The following USP37 variants were observed in gnomAD, a reference collection of about 807,000 sequenced individuals.
USP37 encodes the protein ubiquitin specific peptidase 37, also known as ubiquitin carboxyl-terminal hydrolase 37.
Under a neutral mutation model 124.0 loss-of-function variants are expected in USP37, and 27 were observed. That is an observed-to-expected ratio of 0.22 (90% confidence interval 0.16 to 0.30). The LOEUF is 0.30. Ranked by LOEUF, USP37 falls within the 10% of genes least tolerant of loss-of-function variation. USP37 has a pLI of 1.00. For missense variants in USP37, 889 were observed against 1,140.4 expected, an observed-to-expected ratio of 0.78 and a Z score of 3.17; for synonymous variants, 365 against 388.0, an observed-to-expected ratio of 0.94 and a Z score of 0.70.
intron 16 of USP37, among the ~76,000 whole-genome samples, chr2:218,484,920 T>C (rs376634970): frequency 1.7e-3 from 264 of 152,346 alleles, no homozygotes; most frequent in Middle Eastern, 0.014. Context: ...TTCAGTTTTA[T>C]GTTTATACAG....
intron 25 of USP37, 67 bp downstream of exon 25, chr2:218,455,513 A>G (rs1470942728): frequency 4.9e-4 from 48 of 97,482 alleles, no homozygotes; most frequent in Middle Eastern, 4.0e-3. Flanking sequence ...CTCAAAGGAA[A>G]AAAAAAAAAA....
At chr2:218,474,418 G>A (rs1690852574) in intron 20 of USP37, among the ~76,000 whole-genome samples, 3 of 152,156 alleles carry the variant, frequency 2.0e-5, no homozygotes, top group Non-Finnish European at 4.4e-5. Flanking sequence ...CTGGAGTGCA[G>A]TGGTGCAATC....
At chr2:218,459,645 G>A (rs1574833515) in intron 23 of USP37, 145 bp downstream of exon 23, 4 of 575,406 alleles carry the variant, frequency 7.0e-6, no homozygotes, top group East Asian at 3.0e-5. Flanking sequence ...AACAGCAAAT[G>A]ACAAGAGAAA....
At position 218,463,854 on chromosome 2, in the gene USP37, AT is replaced by A. The variant is rs965382526; in HGVS notation, c.2467-489del. On this transcript the variant is annotated intron_variant, in intron 21 of 25. Coordinates refer to ENST00000258399, the MANE Select transcript of USP37 (RefSeq NM_020935.3). ...CCGGCCCACTCCAGTATTTTTTAAG[AT>A]TTTTTTTTTTTTTTTTTTTGAGAGG... 6.8e-3 allele frequency among the ~76,000 whole-genome samples: 330 copies of A among 48,876 alleles called. 2 individuals carry two copies. The highest frequency in any genetic ancestry group is 0.011 in the African/African-American group (189 of 16,458). 32.1% of individuals were successfully genotyped at this position (48,876 alleles called of 152,430 possible). A position where few individuals can be genotyped will look rare whatever the true frequency, so the allele number is the denominator to read the frequency against.
intron 11 of USP37, among the ~76,000 whole-genome samples, chr2:218,506,887 C>T (rs1487238623): frequency 6.6e-6 from 1 of 151,798 alleles, no homozygotes; most frequent in Non-Finnish European, 1.5e-5. Flanking sequence ...ACCTCTGCCT[C>T]TTGGGTTCAA....
chr2:218,514,569 T>C (rs1690171315), intron 10 of USP37: 1 of 152,216 alleles, frequency 6.6e-6, no homozygotes, highest in Non-Finnish European at 1.5e-5. Context: ...ATTACTGGTG[T>C]TGGTAATCTT....
intron 8 of USP37, among the ~76,000 whole-genome samples, chr2:218,545,814 C>T (rs1048806147): frequency 2.6e-5 from 4 of 152,304 alleles, no homozygotes; most frequent in South Asian, 4.1e-4. Context: ...AACACATAGG[C>T]TCACATCCTT....
chr2:218,474,716 G>C lies in USP37; in HGVS notation c.2213C>G (p.Thr738Ser). 6.2e-7 allele frequency: 1 copy of C among 1,614,110 alleles called. No homozygotes were observed. The highest frequency in any genetic ancestry group is 8.5e-7 in the Non-Finnish European group (1 of 1,180,018). ...DDDKPTSSPD[T>S]GFAEDDIQEM... ...TTGAATATCATCTTCTGCAAATCCG[G>C]TATCTGGGCTGCTAGTTGGCTTATC... Residue 738 changes from threonine to serine, a missense_variant, in exon 20 of 26, where the codon ACC (threonine) becomes AGC (serine). This residue lies in a region of USP37 where 504 missense variants were observed against 714.3 expected (regional missense o/e 0.71). Transcript: ENST00000258399.
At position 218,498,306 on chromosome 2, in the gene USP37, T is replaced by C. The variant is rs1287496207; in HGVS notation, c.1026-149A>G. On this transcript the variant is annotated intron_variant, in intron 11 of 25. Coordinates refer to ENST00000258399, the MANE Select transcript of USP37 (RefSeq NM_020935.3). ...TACACCCTAACCCCAAGGTTTCTGATTCAGTAGGTTTGGACACAAATGTGT... is the reference window on the plus strand; with the variant it reads ...TACACCCTAACCCCAAGGTTTCTGACTCAGTAGGTTTGGACACAAATGTGT... The C allele has an allele frequency of 4.1e-6, 3 of 737,188 alleles. No individual in the cohort carries two copies. The Admixed American group carries it at 1.1e-4, about 28-fold the overall frequency. The allele number at this position is 737,188 out of a possible 1,614,324, so 45.7% of individuals were successfully genotyped here.
rs191915618 is a variant in USP37 at position 218,557,567 on chromosome 2, G to A, written c.156+931C>T. Among the ~76,000 whole-genome samples, 62 of 149,968 alleles carry A rather than the reference G, an allele frequency of 4.1e-4. No homozygotes were observed. In the East Asian group the frequency reaches 0.012, roughly 29 times the overall value. On this transcript the variant is annotated intron_variant, in intron 4 of 25. Coordinates refer to ENST00000258399, the MANE Select transcript of USP37 (RefSeq NM_020935.3). ...CTAAGATCAGGTTCTGAAGCATAAAGTTAAATATTGTTTTTCAATAGAATA... is the reference window on the plus strand; with the variant it reads ...CTAAGATCAGGTTCTGAAGCATAAAATTAAATATTGTTTTTCAATAGAATA...
chr2:218,555,029 G>T (rs1692884866), intron 4 of USP37, among the ~76,000 whole-genome samples: 1 of 151,934 alleles, frequency 6.6e-6, no homozygotes, highest in Non-Finnish European at 1.5e-5. Context: ...CCACAGAACT[G>T]GTTCAATAAT....
At chr2:218,497,649 C>T in intron 13 of USP37, 85 bp downstream of exon 13, 1 of 1,551,590 alleles carries the variant, frequency 6.4e-7, no homozygotes, top group East Asian at 2.3e-5. Flanking sequence ...GTGACCTGCC[C>T]ACCTAGGCCT....
At chr2:218,546,873 G>T in intron 7 of USP37, 46 bp downstream of exon 7, 1 of 1,578,710 alleles carries the variant, frequency 6.3e-7, no homozygotes, top group Non-Finnish European at 8.6e-7. Context: ...AGGCCTAAAA[G>T]ACATTTACAG....
chr2:218,470,570 G>C (rs1690625599), intron 20 of USP37, among the ~76,000 whole-genome samples: 1 of 152,124 alleles, frequency 6.6e-6, no homozygotes, highest in Non-Finnish European at 1.5e-5. Context: ...ATGGCTTCAG[G>C]CCATGCAAAA....
Position 218,546,306 on chromosome 2 carries a change from GAACA to G in USP37, c.603-12_603-9del, listed in dbSNP as rs1692320116. On this transcript the variant is annotated splice_polypyrimidine_tract_variant and intron_variant, in intron 7 of 25. Transcript: ENST00000258399. The stretch of plus-strand genomic sequence containing the variant: ...CTTTTCCTCTTTTCAGTACTACAGA[GAACA>G]AAGAAAAGGTTACTTTTAAAAAGCC... 1 of 1,600,266 alleles carries G rather than the reference GAACA, an allele frequency of 6.2e-7. No homozygotes were observed. The highest frequency in any genetic ancestry group is 8.5e-7 in the Non-Finnish European group (1 of 1,173,778).
At position 218,459,063 on chromosome 2, in the gene USP37, A is replaced by G. The variant is rs138793146; in HGVS notation, c.2643+727T>C. Among the ~76,000 whole-genome samples the G allele has an allele frequency of 3.1e-4, 31 of 99,656 alleles. 2 individuals are homozygous for G. The East Asian group carries it at 9.4e-3, about 30-fold the overall frequency. 65.4% of individuals were successfully genotyped at this position (99,656 alleles called of 152,430 possible). On this transcript the variant is annotated intron_variant, in intron 23 of 25. Coordinates refer to ENST00000258399, the MANE Select transcript of USP37 (RefSeq NM_020935.3). ...ATTTGAGGAGAAAAAGCAATTATTTAAGGGGGGAAAAAGGGTTAAAAAAAA... is the reference window on the plus strand; with the variant it reads ...ATTTGAGGAGAAAAAGCAATTATTTGAGGGGGGAAAAAGGGTTAAAAAAAA...
intron 20 of USP37, among the ~76,000 whole-genome samples, chr2:218,468,013 G>A (rs545782508): frequency 1.4e-3 from 198 of 140,788 alleles, no homozygotes; most frequent in Non-Finnish European, 1.9e-3. Context: ...TCAGCCTCCC[G>A]AGTAGCTGGG....
intron 1 of USP37, among the ~76,000 whole-genome samples, chr2:218,564,652 G>A (rs183963260): frequency 6.6e-6 from 1 of 152,088 alleles, no homozygotes; most frequent in Non-Finnish European, 1.5e-5. Context: ...AGGTGGGAGT[G>A]GGGGGTAGAG....
At chr2:218,466,420 G>A (rs764084290) in intron 20 of USP37, among the ~76,000 whole-genome samples, 2 of 152,134 alleles carry the variant, frequency 1.3e-5, no homozygotes, top group East Asian at 1.9e-4. Context: ...ATTGTAGAAC[G>A]TTTAGCAGTG....
Sources: gnomAD v4.1 joint callset for allele counts (sites outside exome capture counted in the v4.1 genomes callset) on GRCh38, gnomAD v4.1.1 for gene constraint, gnomAD v4.1.1 regional missense constraint, MANE v1.5 for transcripts, NCBI Gene and HGNC (gene_info 2026-07-23, HGNC 2026-07-21) for gene names.